Variants in RAD51B observed in about 807,000 individuals in gnomAD.
RAD51B encodes DNA repair protein RAD51 homolog 2.
A neutral mutation model predicts 42.2 loss-of-function variants in RAD51B; 38 were observed. The ratio of observed to expected loss-of-function variants is 0.90; its 90% CI spans 0.70 to 1.18. RAD51B has a LOEUF of 1.18. Ranked by LOEUF, RAD51B falls within the 50% of genes most tolerant of loss-of-function variation. The probability of loss-of-function intolerance (pLI) is 0.00; values close to 1 mark genes in which losing one functional copy is unlikely to be tolerated. For missense variants in RAD51B, 373 were observed against 400.7 expected (o/e 0.93, Z 0.59); for synonymous variants, 154 against 145.2 (o/e 1.06, Z -0.43).
intron 7 of RAD51B, among the ~76,000 whole-genome samples, chr14:68,287,531 A>C (rs866891162): frequency 6.6e-6 from 1 of 152,326 alleles, no homozygotes; most frequent in Middle Eastern, 3.4e-3. Flanking sequence ...CATTAAAAAT[A>C]TCTATCTTTT....
At chr14:68,471,239 G>A (rs1008621920) in intron 10 of RAD51B, among the ~76,000 whole-genome samples, 2 of 152,092 alleles carry the variant, frequency 1.3e-5, no homozygotes, top group African/African-American at 2.4e-5. Flanking sequence ...GCCGACATTC[G>A]GTCTTCAATA....
chr14:67,904,377 G>A (rs2043710975), intron 7 of RAD51B, among the ~76,000 whole-genome samples: 2 of 152,050 alleles, frequency 1.3e-5, no homozygotes, highest in Non-Finnish European at 2.9e-5. Flanking sequence ...CAGTGTATAA[G>A]CATTCCCTTT....
intron 7 of RAD51B, among the ~76,000 whole-genome samples, chr14:67,995,745 G>C (rs1210492514): frequency 6.6e-6 from 1 of 151,644 alleles, no homozygotes; most frequent in South Asian, 2.1e-4. Flanking sequence ...AGCCTTCCGA[G>C]TAGCTGGGAC....
rs137913902 is a variant in RAD51B, at chr14:68,456,022, T to G, written c.958-12150T>G. On this transcript the variant is annotated intron_variant, in intron 9 of 10. Coordinates refer to ENST00000471583, the MANE Select transcript of RAD51B (RefSeq NM_133510.4). The stretch of plus-strand genomic sequence containing the variant: ...AATCTGAACTAGTTTTAAGTTAAAA[T>G]GTTAATGGCAATCCTCAGGGCAGCC... Among the ~76,000 whole-genome samples, 873 of 152,326 alleles carry G rather than the reference T, an allele frequency of 5.7e-3. 6 individuals are homozygous for G. The highest frequency in any genetic ancestry group is 0.018 in the African/African-American group (753 of 41,560).
At chr14:68,162,551 G>A (rs778817324) in intron 7 of RAD51B, among the ~76,000 whole-genome samples, 80 of 152,122 alleles carry the variant, frequency 5.3e-4, no homozygotes, top group Admixed American at 2.0e-3. Flanking sequence ...TTTGGGAGGC[G>A]GAGGCAGGCG....
At chr14:67,875,613 AT>A (rs2042700184) in intron 5 of RAD51B, among the ~76,000 whole-genome samples, 1 of 152,206 alleles carries the variant, frequency 6.6e-6, no homozygotes, top group Non-Finnish European at 1.5e-5. Flanking sequence ...GCAATAGGCT[AT>A]ACCATATAGC....
chr14:68,188,546 C>T (rs1029185504), intron 7 of RAD51B, among the ~76,000 whole-genome samples: 6 of 152,102 alleles, frequency 3.9e-5, no homozygotes, highest in Non-Finnish European at 7.4e-5. Context: ...TTAGCCAATC[C>T]ATTACTTGTG....
intron 7 of RAD51B, among the ~76,000 whole-genome samples, chr14:68,153,801 A>C (rs1250454060): frequency 6.6e-6 from 1 of 152,128 alleles, no homozygotes; most frequent in Non-Finnish European, 1.5e-5. Context: ...CTTCCACCCT[A>C]ATTGGGCAAA....
chr14:68,421,670 G>A (rs1009957591), intron 9 of RAD51B: 2 of 1,524,058 alleles, frequency 1.3e-6, no homozygotes, highest in Non-Finnish European at 1.8e-6. Context: ...GGAATGGTCT[G>A]GTGGTTAAGA....
intron 7 of RAD51B, among the ~76,000 whole-genome samples, chr14:68,253,766 G>C (rs2080692250): frequency 1.3e-5 from 2 of 152,184 alleles, no homozygotes; most frequent in African/African-American, 4.8e-5. Flanking sequence ...TTCACTGATA[G>C]GAAGTTGAGG....
chr14:68,200,044 A>G (rs984699484), intron 7 of RAD51B, among the ~76,000 whole-genome samples: 2 of 151,984 alleles, frequency 1.3e-5, no homozygotes, highest in African/African-American at 4.8e-5. Context: ...TCTTTTTTTC[A>G]TTTAATAATC....
chr14:68,130,769 G>A (rs909378217), intron 7 of RAD51B, among the ~76,000 whole-genome samples: 1 of 152,288 alleles, frequency 6.6e-6, no homozygotes, highest in Non-Finnish European at 1.5e-5. Flanking sequence ...GGGAATTCCT[G>A]TAAATATCAG....
At chr14:67,904,039 G>C (rs1210139805) in intron 7 of RAD51B, among the ~76,000 whole-genome samples, 1 of 151,532 alleles carries the variant, frequency 6.6e-6, no homozygotes, top group Non-Finnish European at 1.5e-5. Context: ...ATTAGCCTAG[G>C]ATAATGGCCT....
chr14:68,414,752 G>A (rs982556643), intron 9 of RAD51B, among the ~76,000 whole-genome samples: 1 of 151,188 alleles, frequency 6.6e-6, no homozygotes, highest in African/African-American at 2.4e-5. Context: ...AGGACGCAGT[G>A]GCTCATGCCT....
At chr14:68,327,470 C>T (rs1161516130) in intron 8 of RAD51B, among the ~76,000 whole-genome samples, 3 of 150,694 alleles carry the variant, frequency 2.0e-5, no homozygotes, top group Non-Finnish European at 2.9e-5. Context: ...GAGTATATTA[C>T]GCTTGGAGGC....
At chr14:67,985,230 A>T (rs1289230380) in intron 7 of RAD51B, among the ~76,000 whole-genome samples, 1 of 152,210 alleles carries the variant, frequency 6.6e-6, no homozygotes, top group African/African-American at 2.4e-5. Flanking sequence ...TAATACATAT[A>T]TATACATATT....
At chr14:68,473,990 A>G (rs1283692543) in intron 10 of RAD51B, among the ~76,000 whole-genome samples, 1 of 152,222 alleles carries the variant, frequency 6.6e-6, no homozygotes, top group African/African-American at 2.4e-5. Context: ...TGTTTTTGTA[A>G]TATAGCCATG....
At chr14:68,584,902 G>A (rs1208196737) in intron 10 of RAD51B, among the ~76,000 whole-genome samples, 1 of 152,180 alleles carries the variant, frequency 6.6e-6, no homozygotes, top group East Asian at 1.9e-4. Context: ...CGAGAGAGAG[G>A]AAGGTTGTTG....
chr14:68,058,225 A>G (rs1008851756), intron 7 of RAD51B, among the ~76,000 whole-genome samples: 1 of 152,058 alleles, frequency 6.6e-6, no homozygotes, highest in African/African-American at 2.4e-5. Flanking sequence ...TTTATTCACA[A>G]TTGGTTTACC....
Sources: gnomAD v4.1 joint callset for allele counts (sites outside exome capture counted in the v4.1 genomes callset) on GRCh38, gnomAD v4.1.1 for gene constraint, MANE v1.5 for transcripts, NCBI Gene and HGNC (gene_info 2026-07-23, HGNC 2026-07-21) for gene names.